FUT8: variants seen among roughly 807,000 people sequenced by gnomAD.
FUT8 encodes fucosyltransferase 8.
A neutral mutation model predicts 71.3 loss-of-function variants in FUT8; 29 were observed. That is an observed-to-expected ratio of 0.41 (90% CI 0.30 to 0.55). FUT8 has a LOEUF of 0.55. Among genes scored for constraint, FUT8 ranks in the 20% least tolerant of loss-of-function variants. The probability of loss-of-function intolerance (pLI) is 0.34; values close to 1 mark genes in which losing one functional copy is unlikely to be tolerated. For missense variants in FUT8, 544 were observed against 702.1 expected (o/e 0.77, Z 2.55); for synonymous variants, 254 against 239.3 (o/e 1.06, Z -0.57).
At chr14:65,474,465 G>A (rs903493847) in intron 2 of FUT8, among the ~76,000 whole-genome samples, 3 of 43,252 alleles carry the variant, frequency 6.9e-5, no homozygotes, top group Non-Finnish European at 1.4e-4. Flanking sequence ...AAAGCCAGGC[G>A]TGCTGGCTCC....
upstream of FUT8, among the ~76,000 whole-genome samples, chr14:65,407,667 T>C (rs909434438): frequency 2.0e-5 from 3 of 152,192 alleles, no homozygotes; most frequent in African/African-American, 7.2e-5. Context: ...AAATTAAAGA[T>C]ATACAAGATA....
chr14:65,418,668 TG>T (rs2065252214), intron 1 of FUT8, among the ~76,000 whole-genome samples: 3 of 152,136 alleles, frequency 2.0e-5, no homozygotes, highest in Admixed American at 1.3e-4. Flanking sequence ...TTGCCTTATT[TG>T]GAGATGAAGG....
intron 3 of FUT8, among the ~76,000 whole-genome samples, chr14:65,565,013 T>A (rs1381813807): frequency 6.6e-6 from 1 of 152,006 alleles, no homozygotes; most frequent in Admixed American, 6.6e-5. Context: ...ATGATTCTGG[T>A]GGCCAGAAAG....
chr14:65,503,623 C>G (rs988392214), intron 2 of FUT8, among the ~76,000 whole-genome samples: 4 of 152,200 alleles, frequency 2.6e-5, no homozygotes, highest in African/African-American at 9.6e-5. Context: ...TGCCATCCTT[C>G]AAGAGCCTCT....
At chr14:65,541,077 C>A (rs1884653288) in intron 2 of FUT8, among the ~76,000 whole-genome samples, 1 of 152,030 alleles carries the variant, frequency 6.6e-6, no homozygotes, top group Admixed American at 6.6e-5. Flanking sequence ...TCTGGTAAAT[C>A]ATATTTTATT....
intron 3 of FUT8, among the ~76,000 whole-genome samples, chr14:65,588,992 C>T (rs1182121882): frequency 6.6e-6 from 1 of 152,164 alleles, no homozygotes; most frequent in Non-Finnish European, 1.5e-5. Flanking sequence ...TTCTCAGCCC[C>T]TTTATTTCGC....
At chr14:65,463,003 GTTT>G (rs1315818332) in intron 2 of FUT8, among the ~76,000 whole-genome samples, 1 of 152,146 alleles carries the variant, frequency 6.6e-6, no homozygotes, top group African/African-American at 2.4e-5. Flanking sequence ...TGTACTAAGT[GTTT>G]TCATAGTGGA....
At chr14:65,478,623 T>G (rs1242012931) in intron 2 of FUT8, among the ~76,000 whole-genome samples, 1 of 152,204 alleles carries the variant, frequency 6.6e-6, no homozygotes, top group Non-Finnish European at 1.5e-5. Context: ...CTAGGCTGGG[T>G]GGCTCTAGCT....
chr14:65,567,196 G>A (rs759061588), intron 3 of FUT8, among the ~76,000 whole-genome samples: 1 of 151,894 alleles, frequency 6.6e-6, no homozygotes, highest in African/African-American at 2.4e-5. Context: ...GTTTGGTCTA[G>A]GAAAGGAGAA....
chr14:65,616,353 G>GCA lies in FUT8; in HGVS notation c.462_463insCA (p.Asp155GlnfsTer3). 1 of 1,601,828 alleles carries GCA rather than the reference G, an allele frequency of 6.2e-7. No homozygotes were observed. The highest frequency in any genetic ancestry group is 8.5e-7 in the Non-Finnish European group (1 of 1,175,476). ...AAAGACATGCAGATGAATTTCTTTT[G>GCA]GATTTAGGACATCATGAAAGGTACT... On this transcript the variant is annotated frameshift_variant, in exon 5 of 11. Transcript: ENST00000673929. LOFTEE classifies it high-confidence loss of function.
At chr14:65,622,075 C>T (rs1211192428) in intron 5 of FUT8, among the ~76,000 whole-genome samples, 4 of 152,190 alleles carry the variant, frequency 2.6e-5, no homozygotes, top group Non-Finnish European at 5.9e-5. Flanking sequence ...CCATCTACTC[C>T]AGCCTCTCAA....
At chr14:65,493,532 T>G (rs1174744515) in intron 2 of FUT8, among the ~76,000 whole-genome samples, 2 of 152,132 alleles carry the variant, frequency 1.3e-5, no homozygotes, top group African/African-American at 4.8e-5. Context: ...AGCACTGAAG[T>G]CTCAGGTACT....
the FUT8 span, among the ~76,000 whole-genome samples, chr14:65,388,762 C>CAAAAATA: frequency 9.4e-3 from 1,416 of 151,188 alleles, 23 homozygotes; most frequent in African/African-American, 0.033. Context: ...ATTCCATCTC[C>CAAAAATA]AAAAATAAAA....
At chr14:65,719,822 C>T (rs1895320546) in intron 7 of FUT8, among the ~76,000 whole-genome samples, 1 of 152,248 alleles carries the variant, frequency 6.6e-6, no homozygotes, top group Admixed American at 6.5e-5. Context: ...GTCTCTGATT[C>T]TGTGCTCCAA....
chr14:65,660,249 C>G lies in FUT8; in HGVS notation c.598-8994C>G, dbSNP rs775644736. On this transcript the variant is annotated intron_variant, in intron 6 of 10. Coordinates refer to ENST00000673929, the MANE Select transcript of FUT8 (RefSeq NM_001371533.1). This position sits in a 1 kb window ranked among gnomAD's most constrained non-coding sequence, Gnocchi z 4.1. ...TGGAACTCCCAGAGGTAACAGAATA[C>G]TGTCTTGAAAGCCTCAGTGGAAGAA... Among the ~76,000 whole-genome samples the G allele has an allele frequency of 1.1e-4, 17 of 152,088 alleles. No individual in the cohort carries two copies. Among genetic ancestry groups the G allele is most frequent in the Non-Finnish European group, 2.1e-4 (14 of 67,992 alleles).
chr14:65,590,133 T>G (rs1887611584), intron 3 of FUT8, among the ~76,000 whole-genome samples: 1 of 152,220 alleles, frequency 6.6e-6, no homozygotes, highest in Non-Finnish European at 1.5e-5. Context: ...GAGCTCTGAT[T>G]ACTTGATTTT....
intron 2 of FUT8, among the ~76,000 whole-genome samples, chr14:65,493,263 C>CG (rs2066509613): frequency 6.6e-6 from 1 of 152,114 alleles, no homozygotes; most frequent in African/African-American, 2.4e-5. Context: ...CTTAGCTTGA[C>CG]GGCTTTTTAT....
At chr14:65,476,359 T>G (rs1189886119) in intron 2 of FUT8, among the ~76,000 whole-genome samples, 1 of 152,212 alleles carries the variant, frequency 6.6e-6, no homozygotes, top group African/African-American at 2.4e-5. Context: ...CAAAGCTTCA[T>G]GCAGTAACTC....
At position 65,616,032 on chromosome 14, in the gene FUT8, A is replaced by G. The variant is rs758067132; in HGVS notation, c.258A>G (p.Leu86=). The change falls in exon 4 of 11, where the codon TTA becomes TTG. Residue 86 remains leucine, a synonymous_variant. Coordinates refer to ENST00000673929, the MANE Select transcript of FUT8 (RefSeq NM_001371533.1). ...CAGCTATAGGAAGAGTACGCGTTTT[A>G]GAAGAGCAGCTTGTTAAGGCCAAAG... The part of the protein sequence containing the change: ...QGPAIGRVRV[L]EEQLVKAKEQ... 1 of 1,613,934 alleles carries G rather than the reference A, an allele frequency of 6.2e-7. No individual in the cohort carries two copies. The highest frequency in any genetic ancestry group is 8.5e-7 in the Non-Finnish European group (1 of 1,179,926).
Sources: gnomAD v4.1 joint callset for allele counts (sites outside exome capture counted in the v4.1 genomes callset) on GRCh38, gnomAD v4.1.1 for gene constraint, Gnocchi (gnomAD v3.1) non-coding constraint, MANE v1.5 for transcripts, NCBI Gene and HGNC (gene_info 2026-07-23, HGNC 2026-07-21) for gene names.